Variants in TENM3 observed in about 807,000 individuals in gnomAD.
TENM3 encodes the protein teneurin transmembrane protein 3, also known as teneurin-3.
In TENM3, 63 loss-of-function variants were observed where a neutral mutation model predicts 255.1. That is an observed-to-expected ratio of 0.25 (90% CI 0.20 to 0.30). TENM3 has a LOEUF of 0.30. Among genes scored for constraint, TENM3 ranks in the 10% least tolerant of loss-of-function variants. The pLI is 1.00. For missense variants in TENM3, 2,929 were observed against 3,461.1 expected, an observed-to-expected ratio of 0.85 and a Z score of 3.86; for synonymous variants, 1,306 against 1,322.3, an observed-to-expected ratio of 0.99 and a Z score of 0.27.
At chr4:181,619,814 G>T in the TENM3 span, among the ~76,000 whole-genome samples, 5 of 152,224 alleles carry the variant, frequency 3.3e-5, no homozygotes, top group African/African-American at 4.8e-5. Context: ...GAGTCATTTG[G>T]AAAGTGAGAG....
intron 3 of TENM3, among the ~76,000 whole-genome samples, chr4:182,388,026 A>G (rs1014751596): frequency 6.6e-6 from 1 of 151,978 alleles, no homozygotes; most frequent in African/African-American, 2.4e-5. Flanking sequence ...GCAAACGTGT[A>G]AGCATGTATC....
At chr4:181,648,667 G>C in the TENM3 span, among the ~76,000 whole-genome samples, 1 of 152,062 alleles carries the variant, frequency 6.6e-6, no homozygotes, top group East Asian at 1.9e-4. Context: ...CTCTGACTAG[G>C]GAGCATTCAG....
At chr4:182,734,845 TAGAG>T (rs577584147) in intron 16 of TENM3, among the ~76,000 whole-genome samples, 23 of 152,296 alleles carry the variant, frequency 1.5e-4, no homozygotes, top group Admixed American at 3.3e-4. Flanking sequence ...TATTTTGAAA[TAGAG>T]AGGCAGCTTC....
the TENM3 span, among the ~76,000 whole-genome samples, chr4:181,709,885 T>A: frequency 6.6e-6 from 1 of 152,186 alleles, no homozygotes; most frequent in Non-Finnish European, 1.5e-5. Context: ...GAATCAAGTT[T>A]TTGTCTTGCA....
chr4:182,299,676 T>C (rs910132629), intron 1 of TENM3, among the ~76,000 whole-genome samples: 3 of 151,918 alleles, frequency 2.0e-5, no homozygotes, highest in African/African-American at 7.3e-5. Flanking sequence ...AAAGTCAAGG[T>C]GTTATTATCC....
In TENM3 at chr4:182,800,249, C is replaced by A. The variant is rs781562654; in HGVS notation, c.7998C>A (p.Gly2666=). Residue 2666 remains glycine (G), a synonymous_variant, in exon 28 of 28, where the codon GGC becomes GGA. Coordinates refer to ENST00000511685, the MANE Select transcript of TENM3 (RefSeq NM_001080477.4). ...RQLLSAGKVQ[G]YDGYYVLSVE... is the part of the protein sequence containing the mutation. ...TGCTGAGCGCCGGCAAGGTGCAGGG[C>A]TACGACGGGTACTACGTACTCTCGG... is the stretch of plus-strand genomic sequence containing the variant. The A allele has an allele frequency of 6.3e-7, 1 of 1,594,008 alleles. No individual in the cohort carries two copies. The highest frequency in any genetic ancestry group is 1.1e-5 in the South Asian group (1 of 90,222).
At chr4:182,380,487 G>T (rs551155790) in intron 3 of TENM3, among the ~76,000 whole-genome samples, 1 of 152,286 alleles carries the variant, frequency 6.6e-6, no homozygotes, top group East Asian at 1.9e-4. Flanking sequence ...GCGTAAGCAT[G>T]CAATAAATAT....
intron 3 of TENM3, among the ~76,000 whole-genome samples, chr4:182,550,002 T>G (rs1338926197): frequency 6.6e-6 from 1 of 152,252 alleles, no homozygotes; most frequent in Non-Finnish European, 1.5e-5. Flanking sequence ...GCATTACAAT[T>G]ATGTATTGGA....
the TENM3 span, among the ~76,000 whole-genome samples, chr4:181,529,005 A>G: frequency 6.6e-6 from 1 of 152,240 alleles, no homozygotes; most frequent in Non-Finnish European, 1.5e-5. Context: ...TATACTTTAA[A>G]ATGTTTAAAG....
intron 1 of TENM3, among the ~76,000 whole-genome samples, chr4:182,288,962 T>C (rs894916740): frequency 1.3e-5 from 2 of 152,180 alleles, no homozygotes; most frequent in African/African-American, 4.8e-5. Context: ...CAGTGGCTCA[T>C]GCCTGTAATC....
At chr4:182,099,778 A>G in the TENM3 span, among the ~76,000 whole-genome samples, 5 of 152,290 alleles carry the variant, frequency 3.3e-5, no homozygotes, top group East Asian at 9.7e-4. Context: ...TAGAGAACAG[A>G]TGGGTGAACT....
chr4:181,945,394 G>A, the TENM3 span, among the ~76,000 whole-genome samples: 4 of 152,202 alleles, frequency 2.6e-5, no homozygotes, highest in South Asian at 2.1e-4. Context: ...CAAGATGGCC[G>A]CTCGGAGCAC....
At chr4:182,671,500 G>A (rs1008144954) in intron 6 of TENM3, among the ~76,000 whole-genome samples, 1 of 152,198 alleles carries the variant, frequency 6.6e-6, no homozygotes, top group African/African-American at 2.4e-5. Context: ...CCAGCCTGCA[G>A]TGATAGTGCC....
intron 3 of TENM3, among the ~76,000 whole-genome samples, chr4:182,567,164 T>G (rs907983483): frequency 6.6e-6 from 1 of 152,186 alleles, no homozygotes; most frequent in African/African-American, 2.4e-5. Flanking sequence ...TAAGATTTGT[T>G]TACCTTTTTT....
intron 3 of TENM3, among the ~76,000 whole-genome samples, chr4:182,587,695 G>A (rs1021118726): frequency 2.0e-5 from 3 of 152,120 alleles, no homozygotes; most frequent in African/African-American, 7.2e-5. Flanking sequence ...ACTGATACGG[G>A]CCACTACACC....
the TENM3 span, among the ~76,000 whole-genome samples, chr4:181,658,326 C>T: frequency 1.3e-5 from 2 of 152,152 alleles, no homozygotes; most frequent in Admixed American, 1.3e-4. Flanking sequence ...GGCGGAACCA[C>T]TGGCAAGTAA....
the TENM3 span, among the ~76,000 whole-genome samples, chr4:182,085,677 C>T: frequency 0.01 from 1,524 of 152,164 alleles, 29 homozygotes; most frequent in African/African-American, 0.034. Flanking sequence ...AGTGATCTGG[C>T]GTGCCTAAAC....
At chr4:181,568,604 T>G in the TENM3 span, among the ~76,000 whole-genome samples, 1 of 152,146 alleles carries the variant, frequency 6.6e-6, no homozygotes, top group East Asian at 1.9e-4. Context: ...CTCAGGGAAA[T>G]CTGGTACCTA....
the TENM3 span, among the ~76,000 whole-genome samples, chr4:181,557,418 AAAGT>A: frequency 6.6e-6 from 1 of 152,328 alleles, no homozygotes; most frequent in East Asian, 1.9e-4. Context: ...ACTGTGCTTA[AAAGT>A]AAGAGAAACC....
Sources: gnomAD v4.1 joint callset for allele counts (sites outside exome capture counted in the v4.1 genomes callset) on GRCh38, gnomAD v4.1.1 for gene constraint, MANE v1.5 for transcripts, NCBI Gene and HGNC (gene_info 2026-07-23, HGNC 2026-07-21) for gene names.